Variants in PSEN1 observed in about 807,000 individuals in gnomAD.
PSEN1 encodes the protein presenilin-1.
PSEN1 carries 15 observed loss-of-function variants against 53.5 expected under a neutral mutation model. The ratio of observed to expected loss-of-function variants is 0.28; its 90% CI spans 0.19 to 0.43. The LOEUF is 0.43. Among genes scored for constraint, PSEN1 ranks in the 20% least tolerant of loss-of-function variants. The pLI, the probability that PSEN1 is intolerant of heterozygous loss-of-function variation, is 1.00. For missense variants in PSEN1, 387 were observed against 571.2 expected, an observed-to-expected ratio of 0.68 and a Z score of 3.29; for synonymous variants, 208 against 209.8, an observed-to-expected ratio of 0.99 and a Z score of 0.08.
intron 5 of PSEN1, among the ~76,000 whole-genome samples, chr14:73,184,085 G>A (rs1320831351): frequency 1.5e-5 from 2 of 132,882 alleles, no homozygotes; most frequent in East Asian, 4.5e-4. Flanking sequence ...CAGACGGGGC[G>A]GCTGGCCGGG....
intron 5 of PSEN1, among the ~76,000 whole-genome samples, chr14:73,174,852 T>G (rs1284821935): frequency 3.9e-5 from 6 of 152,170 alleles, no homozygotes; most frequent in Non-Finnish European, 5.9e-5. Context: ...AGACCCACCC[T>G]TCTCAGCCTC....
rs963822739 is a variant in PSEN1 at position 73,223,064 on chromosome 14, G to C, written c.*3775G>C. The C allele has an allele frequency of 2.6e-5, 4 of 152,200 alleles. No individual in the cohort carries two copies. Among genetic ancestry groups the C allele is most frequent in the African/African-American group, 9.7e-5 (4 of 41,444 alleles). 9.4% of individuals were successfully genotyped at this position (152,200 alleles called of 1,614,324 possible). A position where few individuals can be genotyped will look rare whatever the true frequency, so the allele number is the denominator to read the frequency against. On this transcript the variant is annotated 3_prime_UTR_variant, in exon 12 of 12. Transcript: ENST00000324501. ...CAAGAGATTAAAAACAGAGGTTTCA[G>C]CTCTTCATAGTGCGTTGTGAAATGG...
At chr14:73,197,141 G>A (rs903998126) in intron 7 of PSEN1, among the ~76,000 whole-genome samples, 1 of 152,002 alleles carries the variant, frequency 6.6e-6, no homozygotes, top group Admixed American at 6.5e-5. Context: ...CACCGTGTTA[G>A]CCAGGATGGT....
At chr14:73,150,394 A>C (rs1336399263) in intron 3 of PSEN1, among the ~76,000 whole-genome samples, 2 of 152,168 alleles carry the variant, frequency 1.3e-5, no homozygotes, top group Non-Finnish European at 2.9e-5. Flanking sequence ...ACCATGTTTA[A>C]TAAAATTGAG....
chr14:73,170,565 CAG>C (rs2140035692), intron 3 of PSEN1, among the ~76,000 whole-genome samples: 1 of 152,264 alleles, frequency 6.6e-6, no homozygotes, highest in East Asian at 1.9e-4. Flanking sequence ...TTGGGATGAA[CAG>C]AGAGAATGGA....
intron 9 of PSEN1, among the ~76,000 whole-genome samples, chr14:73,208,462 G>C (rs1015544475): frequency 6.6e-6 from 1 of 152,102 alleles, no homozygotes; most frequent in African/African-American, 2.4e-5. Context: ...TCTGCAGGCA[G>C]GTCATCCTGA....
chr14:73,174,564 A>G (rs1047554887), intron 5 of PSEN1, among the ~76,000 whole-genome samples: 2 of 152,230 alleles, frequency 1.3e-5, no homozygotes, highest in Non-Finnish European at 2.9e-5. Flanking sequence ...GATTGACAGT[A>G]TACTGAAGAA....
Position 73,219,106 on chromosome 14 carries a change from A to ATG in PSEN1, c.1249-22_1249-21dup, listed in dbSNP as rs763006524. The ATG allele has an allele frequency of 5.0e-6, 8 of 1,611,410 alleles. 1 individual carries two copies. The South Asian group carries it at 8.8e-5, about 18-fold the overall frequency. ...AAAATGCTTTCATAATTATGTGTGA[A>ATG]TGTGTGTCTTTCCCATCTTCTCCAC... On this transcript the variant is annotated intron_variant, in intron 11 of 11. Transcript: ENST00000324501.
At position 73,221,540 on chromosome 14, in the gene PSEN1, A is replaced by C. The variant is rs747690556; in HGVS notation, c.*2251A>C. 3 of 151,536 alleles carry C rather than the reference A, an allele frequency of 2.0e-5. No homozygotes were observed. Among genetic ancestry groups the C allele is most frequent in the Non-Finnish European group, 4.4e-5 (3 of 67,980 alleles). The allele number at this position is 151,536 out of a possible 1,614,324, so 9.4% of individuals were successfully genotyped here. ...TATTCTGTCTCTTTCTCCAAGTTTGAGCCACATCTCAGCCACATTGTTAGA... is the reference window on the plus strand; with the variant it reads ...TATTCTGTCTCTTTCTCCAAGTTTGCGCCACATCTCAGCCACATTGTTAGA... On this transcript the variant is annotated 3_prime_UTR_variant, in exon 12 of 12. Coordinates refer to ENST00000324501, the MANE Select transcript of PSEN1 (RefSeq NM_000021.4).
intron 3 of PSEN1, among the ~76,000 whole-genome samples, chr14:73,153,598 C>G (rs1455796538): frequency 6.6e-6 from 1 of 151,270 alleles, no homozygotes; most frequent in Admixed American, 6.6e-5. Flanking sequence ...TAGTCCTGTC[C>G]TACAGAGCAG....
chr14:73,148,616 A>C (rs1470939879), intron 3 of PSEN1, among the ~76,000 whole-genome samples: 2 of 152,132 alleles, frequency 1.3e-5, no homozygotes, highest in Non-Finnish European at 2.9e-5. Context: ...TTTGACTGCA[A>C]CTCTACTAGC....
intron 3 of PSEN1, among the ~76,000 whole-genome samples, chr14:73,166,788 T>C (rs1252594551): frequency 6.6e-6 from 1 of 152,218 alleles, no homozygotes; most frequent in Non-Finnish European, 1.5e-5. Flanking sequence ...GGGTGGTATA[T>C]ATATTTCTAC....
chr14:73,164,851 T>C (rs1170228131), intron 3 of PSEN1, among the ~76,000 whole-genome samples: 1 of 151,740 alleles, frequency 6.6e-6, no homozygotes, highest in African/African-American at 2.4e-5. Flanking sequence ...AGGAACTTGC[T>C]TCTTTTATTT....
At chr14:73,175,570 T>C (rs1381812934) in intron 5 of PSEN1, among the ~76,000 whole-genome samples, 1 of 152,234 alleles carries the variant, frequency 6.6e-6, no homozygotes, top group African/African-American at 2.4e-5. Context: ...ATGGTTAAAA[T>C]GTGTAATCAA....
At position 73,173,662 on chromosome 14, in the gene PSEN1, C is replaced by T. The variant is rs202090424; in HGVS notation, c.435C>T (p.Val145=). 12 of 1,613,992 alleles carry T rather than the reference C, an allele frequency of 7.4e-6. No homozygotes were observed. Among genetic ancestry groups the T allele is most frequent in the South Asian group, 1.1e-5 (1 of 91,076 alleles). ...CCATCATGATCAGTGTCATTGTTGTCATGACTATCCTCCTGGTGGTTCTGT... is the reference window on the plus strand; with the variant it reads ...CCATCATGATCAGTGTCATTGTTGTTATGACTATCCTCCTGGTGGTTCTGT... The part of the protein sequence containing the change: ...NAAIMISVIV[V]MTILLVVLYK... The change falls in exon 5 of 12, where the codon GTC becomes GTT. Residue 145 remains valine, a synonymous_variant. Transcript: ENST00000324501.
At chr14:73,205,528 TG>T (rs1805935316) in intron 8 of PSEN1, among the ~76,000 whole-genome samples, 1 of 152,032 alleles carries the variant, frequency 6.6e-6, no homozygotes, top group Admixed American at 6.6e-5. Context: ...GGACTCAGCT[TG>T]CTGCTGGCAT....
At chr14:73,216,321 G>C (rs2140143625) in intron 10 of PSEN1, among the ~76,000 whole-genome samples, 1 of 152,282 alleles carries the variant, frequency 6.6e-6, no homozygotes, top group Admixed American at 6.5e-5. Flanking sequence ...ACCTGACTGG[G>C]GCAATGGACA....
At chr14:73,185,270 G>A (rs934504276) in intron 5 of PSEN1, among the ~76,000 whole-genome samples, 219 of 152,310 alleles carry the variant, frequency 1.4e-3, no homozygotes, top group African/African-American at 4.8e-3. Flanking sequence ...GGAGGTGGAG[G>A]TTGTAGCGAG....
intron 10 of PSEN1, among the ~76,000 whole-genome samples, chr14:73,216,557 G>A (rs1412555392): frequency 2.6e-5 from 4 of 152,050 alleles, no homozygotes; most frequent in African/African-American, 9.7e-5. Context: ...TCAGGAGTTC[G>A]AGACCAGCCT....
Sources: allele counts gnomAD v4.1 joint callset (sites outside exome capture counted in the v4.1 genomes callset), GRCh38; gene constraint gnomAD v4.1.1; transcripts MANE v1.5; gene names NCBI Gene and HGNC (gene_info 2026-07-23, HGNC 2026-07-21).